The following MYZAP variants were observed in gnomAD, a reference collection of about 807,000 sequenced individuals.
MYZAP encodes the protein myocardial zonula adherens protein, also known as GRINL1A complex locus upstream.
Under a neutral mutation model 69.4 loss-of-function variants are expected in MYZAP, and 66 were observed. The ratio of observed to expected loss-of-function variants is 0.95; its 90% CI spans 0.78 to 1.17. The LOEUF (loss-of-function observed/expected upper bound fraction) is 1.17. Among genes scored for constraint, MYZAP ranks in the 50% most tolerant of loss-of-function variants. The pLI, the probability that MYZAP is intolerant of heterozygous loss-of-function variation, is 0.00. For synonymous variants in MYZAP, 256 were observed against 205.9 expected (o/e 1.24, Z -2.09); for missense variants, 611 against 556.2 (o/e 1.10, Z -0.99).
chr15:57,630,770 G>T (rs1206729156), intron 6 of MYZAP, among the ~76,000 whole-genome samples: 1 of 152,192 alleles, frequency 6.6e-6, no homozygotes, highest in African/African-American at 2.4e-5. Context: ...TCCTTTTTAT[G>T]TAAGTCTGTG....
intron 10 of MYZAP, among the ~76,000 whole-genome samples, chr15:57,656,084 G>A (rs1473121380): frequency 6.6e-6 from 1 of 152,222 alleles, no homozygotes; most frequent in East Asian, 1.9e-4. Flanking sequence ...GCATCAAGAA[G>A]TGAGATCAAA....
At chr15:57,649,427 G>A (rs973840381) in intron 10 of MYZAP, among the ~76,000 whole-genome samples, 3 of 152,072 alleles carry the variant, frequency 2.0e-5, no homozygotes, top group Non-Finnish European at 2.9e-5. Context: ...CTTAATTTGC[G>A]TCAGCCTGAT....
chr15:57,608,584 A>G (rs573231800), intron 2 of MYZAP, among the ~76,000 whole-genome samples: 80 of 152,330 alleles, frequency 5.3e-4, no homozygotes, highest in African/African-American at 1.8e-3. Context: ...CCAAATGCAC[A>G]GCTTCCTCAT....
chr15:57,679,768 C>T (rs1428038363), intron 12 of MYZAP, among the ~76,000 whole-genome samples: 1 of 152,212 alleles, frequency 6.6e-6, no homozygotes, highest in Non-Finnish European at 1.5e-5. Context: ...TTCACCTCTC[C>T]CCTCTGTGGC....
In MYZAP at chr15:57,604,353, C is replaced by A; in HGVS notation, c.160C>A (p.Gln54Lys). 1 of 1,614,156 alleles carries A rather than the reference C, an allele frequency of 6.2e-7. No homozygotes were observed. Among genetic ancestry groups the A allele is most frequent in the Non-Finnish European group, 8.5e-7 (1 of 1,180,008 alleles). The change falls in exon 2 of 13, where the codon CAG (glutamine) becomes AAG (lysine). Residue 54 changes from glutamine to lysine, a missense_variant and splice_region_variant. Coordinates refer to ENST00000267853, the MANE Select transcript of MYZAP (RefSeq NM_001018100.5). ...QCEKKIERKE[Q>K]LLDLSNGEPT... ...TGAAAAGAAGATTGAGAGAAAAGAGCAGGTAAGGTATCTCCGAGGCAAAGC... is the reference window on the plus strand; with the variant it reads ...TGAAAAGAAGATTGAGAGAAAAGAGAAGGTAAGGTATCTCCGAGGCAAAGC...
intron 12 of MYZAP, among the ~76,000 whole-genome samples, chr15:57,682,332 A>C (rs2039487151): frequency 6.6e-6 from 1 of 152,188 alleles, no homozygotes; most frequent in Non-Finnish European, 1.5e-5. Flanking sequence ...TGGCCCACCT[A>C]ATGGCAAGAG....
At chr15:57,673,655 CAGAAAGGATTCATTGACTTTT>C (rs2038983814) in intron 11 of MYZAP, among the ~76,000 whole-genome samples, 1 of 152,122 alleles carries the variant, frequency 6.6e-6, no homozygotes. Context: ...TCTTATTTAT[CAGAAAGGATTCATTGACTTTT>C]ACATTGTACG....
chr15:57,598,549 T>G (rs1262716726), intron 1 of MYZAP, among the ~76,000 whole-genome samples: 1 of 152,176 alleles, frequency 6.6e-6, no homozygotes, highest in Non-Finnish European at 1.5e-5. Flanking sequence ...TGTTTTCCCT[T>G]CCGTCCATTG....
intron 8 of MYZAP, among the ~76,000 whole-genome samples, chr15:57,635,031 G>A (rs1028799962): frequency 6.6e-6 from 1 of 152,130 alleles, no homozygotes; most frequent in South Asian, 2.1e-4. Flanking sequence ...AAGAAGCAAG[G>A]TGAGCCGGCA....
At chr15:57,643,597 A>G (rs2037282113) in intron 10 of MYZAP, among the ~76,000 whole-genome samples, 1 of 152,188 alleles carries the variant, frequency 6.6e-6, no homozygotes, top group African/African-American at 2.4e-5. Context: ...CTGCCAACCA[A>G]AGCAGCTCTC....
intron 1 of MYZAP, chr15:57,599,655 A>G (rs2034288588): frequency 7.8e-7 from 1 of 1,289,076 alleles, no homozygotes; most frequent in Admixed American, 2.3e-5. Flanking sequence ...GAGATTGTGT[A>G]TCCGAGTTTC....
chr15:57,592,642 C>G (rs760492442), intron 1 of MYZAP, among the ~76,000 whole-genome samples: 22 of 152,160 alleles, frequency 1.4e-4, no homozygotes, highest in Non-Finnish European at 3.1e-4. Context: ...TTATGTAAAC[C>G]ACTTTCTTCT....
chr15:57,634,568 T>C (rs2036701640), intron 8 of MYZAP, among the ~76,000 whole-genome samples: 1 of 152,198 alleles, frequency 6.6e-6, no homozygotes, highest in Non-Finnish European at 1.5e-5. Context: ...GCAAGGTCAC[T>C]GTCAGGCTTC....
At chr15:57,616,602 C>T (rs1368838624) in intron 2 of MYZAP, among the ~76,000 whole-genome samples, 2 of 152,000 alleles carry the variant, frequency 1.3e-5, no homozygotes, top group Non-Finnish European at 2.9e-5. Context: ...CGCCGCTGCT[C>T]TCCAACCTGG....
chr15:57,625,967 T>G (rs146688419), intron 5 of MYZAP, 75 bp downstream of exon 5: 2 of 1,311,512 alleles, frequency 1.5e-6, no homozygotes, highest in Non-Finnish European at 2.2e-6. Context: ...TGCAGAAAAA[T>G]AAGTCACAGA....
rs117896620 is a variant in MYZAP at position 57,643,171 on chromosome 15, C to T, written c.1119+3626C>T. On this transcript the variant is annotated intron_variant, in intron 10 of 12. Coordinates refer to ENST00000267853, the MANE Select transcript of MYZAP (RefSeq NM_001018100.5). Reference sequence around the variant, plus strand: ...ATAGCCGGAAAATATAGAAAAATGCCGAGGGATTGGAAAGAAAAAGCCCTC... The same window carrying T: ...ATAGCCGGAAAATATAGAAAAATGCTGAGGGATTGGAAAGAAAAAGCCCTC... Among the ~76,000 whole-genome samples, 823 of 152,180 alleles carry T rather than the reference C, an allele frequency of 5.4e-3. 4 individuals carry two copies. The highest frequency in any genetic ancestry group is 7.1e-3 in the Non-Finnish European group (480 of 68,008).
intron 3 of MYZAP, among the ~76,000 whole-genome samples, chr15:57,619,975 C>T (rs995514609): frequency 4.6e-5 from 7 of 152,138 alleles, no homozygotes; most frequent in African/African-American, 1.4e-4. Flanking sequence ...GTCCCTCCTG[C>T]CATAGGTGGC....
intron 1 of MYZAP, chr15:57,599,705 T>C (rs2034294003): frequency 7.8e-7 from 1 of 1,288,864 alleles, no homozygotes; most frequent in Non-Finnish European, 1.0e-6. Context: ...TGCTCGGAGG[T>C]AAGGAATGCT....
At chr15:57,649,292 C>T (rs1340924439) in intron 10 of MYZAP, among the ~76,000 whole-genome samples, 2 of 152,182 alleles carry the variant, frequency 1.3e-5, no homozygotes, top group African/African-American at 4.8e-5. Flanking sequence ...AATCGCTGCC[C>T]ACAGTGCACA....
Sources: gnomAD v4.1 joint callset for allele counts (sites outside exome capture counted in the v4.1 genomes callset) on GRCh38, gnomAD v4.1.1 for gene constraint, MANE v1.5 for transcripts, NCBI Gene and HGNC (gene_info 2026-07-23, HGNC 2026-07-21) for gene names.